The following WDFY3 variants were observed in gnomAD, a reference collection of about 807,000 sequenced individuals.
The protein encoded by WDFY3 is WD repeat and FYVE domain containing 3.
WDFY3 carries 66 observed loss-of-function variants against 409.6 expected under a neutral mutation model. The observed-to-expected ratio is 0.16, with a 90% CI of 0.13 to 0.20. The LOEUF (loss-of-function observed/expected upper bound fraction) is 0.20, where lower values mean the gene tolerates loss of function less well. Ranked by LOEUF, WDFY3 falls within the 10% of genes least tolerant of loss-of-function variation. WDFY3 has a pLI of 1.00. For synonymous variants in WDFY3, 1,521 were observed against 1,537.1 expected, an observed-to-expected ratio of 0.99 and a Z score of 0.25; for missense variants, 3,031 against 4,298.1, an observed-to-expected ratio of 0.71 and a Z score of 8.24.
rs981534981 is a variant in WDFY3, at chr4:84,737,285, A to G, written c.6656T>C (p.Phe2219Ser). ...HSKKQVLEEL[F>S]KVTLPVNERG... is the part of the protein sequence containing the mutation. ...TTCATTCACAGGTAGAGTTACTTTGAAAAGTTCCTCTAAGACTTGTTTCTT... is the reference window on the plus strand; with the variant it reads ...TTCATTCACAGGTAGAGTTACTTTGGAAAGTTCCTCTAAGACTTGTTTCTT... Residue 2219 changes from phenylalanine (F) to serine (S), a missense_variant, in exon 41 of 68, where the codon TTC (phenylalanine) becomes TCC (serine). Around this residue, in one of 16 missense-constraint regions of WDFY3, gnomAD observed 314 missense variants for 397.4 expected, o/e 0.79. Coordinates refer to ENST00000295888, the MANE Select transcript of WDFY3 (RefSeq NM_014991.6). 6.2e-7 allele frequency: 1 copy of G among 1,614,082 alleles called. No individual in the cohort carries two copies. Among genetic ancestry groups the G allele is most frequent in the Non-Finnish European group, 8.5e-7 (1 of 1,179,992 alleles).
chr4:84,772,801 C>T, intron 30 of WDFY3, 34 bp downstream of exon 30: 1 of 1,555,694 alleles, frequency 6.4e-7, no homozygotes. Flanking sequence ...ATTTAGTTGA[C>T]CACTATCTTC....
chr4:84,700,496 G>T (rs1730903145), intron 56 of WDFY3, among the ~76,000 whole-genome samples: 1 of 152,224 alleles, frequency 6.6e-6, no homozygotes, highest in Non-Finnish European at 1.5e-5. Flanking sequence ...GAGCCACCAT[G>T]CCTGGCCCAA....
intron 35 of WDFY3, 35 bp downstream of exon 35, chr4:84,753,662 A>C (rs1251633051): frequency 1.2e-5 from 18 of 1,513,076 alleles, no homozygotes; most frequent in Non-Finnish European, 1.6e-5. Context: ...TGACATTCTA[A>C]TTCCAGTTCT....
chr4:84,724,872 G>C (rs1046600778), intron 45 of WDFY3, among the ~76,000 whole-genome samples: 3 of 152,176 alleles, frequency 2.0e-5, no homozygotes, highest in Admixed American at 1.3e-4. Context: ...AGTGCAGTGT[G>C]TCTTCTTTGG....
chr4:84,964,814 G>C (rs1322174516), intron 1 of WDFY3, among the ~76,000 whole-genome samples: 1 of 151,992 alleles, frequency 6.6e-6, no homozygotes, highest in African/African-American at 2.4e-5. Flanking sequence ...GACCCACTGT[G>C]ACCCACCAAA....
At chr4:84,745,214 G>A (rs1560648330) in intron 36 of WDFY3, among the ~76,000 whole-genome samples, 1 of 152,170 alleles carries the variant, frequency 6.6e-6, no homozygotes, top group Non-Finnish European at 1.5e-5. Context: ...AGAGCCTTTT[G>A]TCATCCTCAA....
chr4:84,948,955 T>C lies in WDFY3; in HGVS notation c.-225-16592A>G, dbSNP rs1357323333. ...ACACCCTCCTATTTCAGATTCCATA[T>C]GCTTCTTCCCCTTGAATTCCCATTA... On this transcript the variant is annotated intron_variant, in intron 1 of 67. Transcript: ENST00000295888. Among the ~76,000 whole-genome samples, 3 of 152,136 alleles carry C rather than the reference T, an allele frequency of 2.0e-5. No homozygotes were observed. In the South Asian group the frequency reaches 6.2e-4, roughly 32 times the overall value.
chr4:84,707,653 C>T (rs1732191109), intron 53 of WDFY3, among the ~76,000 whole-genome samples: 1 of 152,204 alleles, frequency 6.6e-6, no homozygotes, highest in South Asian at 2.1e-4. Context: ...CAGAAAACCA[C>T]ATTTCTTTTG....
rs767658238 is a variant in WDFY3 at position 84,841,248 on chromosome 4, G to C, written c.320C>G (p.Ala107Gly). 3.1e-6 allele frequency: 5 copies of C among 1,612,414 alleles called. No individual in the cohort carries two copies. The Admixed American group carries it at 8.4e-5, about 27-fold the overall frequency. The change falls in exon 6 of 68, where the codon GCC (alanine) becomes GGC (glycine). Residue 107 changes from alanine (A) to glycine (G), a missense_variant. Ala to Gly is a moderately conservative substitution (Grantham distance 60). This residue lies in a region of WDFY3 where 1,322 missense variants were observed against 1,697.9 expected (regional missense o/e 0.78). Coordinates refer to ENST00000295888, the MANE Select transcript of WDFY3 (RefSeq NM_014991.6). ...SNKSTEAASRAIVQFLEINQS... is the reference protein window; with the variant it reads ...SNKSTEAASRGIVQFLEINQS... ...ATTAATCTCTAGGAACTGAACTATGGCCCGACTTGCAGCCTCTATAAAACC... is the reference window on the plus strand; with the variant it reads ...ATTAATCTCTAGGAACTGAACTATGCCCCGACTTGCAGCCTCTATAAAACC...
chr4:84,908,178 T>C (rs545278057), intron 2 of WDFY3, among the ~76,000 whole-genome samples: 35 of 152,252 alleles, frequency 2.3e-4, no homozygotes, highest in African/African-American at 8.2e-4. Context: ...TGCTGCAGTA[T>C]GGAAAACGGC....
chr4:84,824,540 T>C (rs945551458), intron 10 of WDFY3, among the ~76,000 whole-genome samples: 3 of 152,148 alleles, frequency 2.0e-5, no homozygotes, highest in Admixed American at 2.0e-4. Context: ...GTGTATTAAG[T>C]TCTAGAAAGG....
chr4:84,842,495 A>C (rs569230874), intron 5 of WDFY3, among the ~76,000 whole-genome samples: 4 of 151,422 alleles, frequency 2.6e-5, no homozygotes, highest in South Asian at 2.1e-4. Flanking sequence ...AAAAAGAAGT[A>C]AGTCTAATTT....
intron 12 of WDFY3, among the ~76,000 whole-genome samples, chr4:84,817,788 C>A (rs1753519216): frequency 6.6e-6 from 1 of 152,148 alleles, no homozygotes; most frequent in Non-Finnish European, 1.5e-5. Flanking sequence ...ATTTTCTCTA[C>A]ATTTCCTTAA....
intron 5 of WDFY3, chr4:84,844,525 G>T: frequency 4.7e-6 from 6 of 1,289,052 alleles, no homozygotes; most frequent in Non-Finnish European, 6.1e-6. Flanking sequence ...TAAAAAAAAA[G>T]GCTGGGTTGT....
chr4:84,899,805 C>T (rs1403802994), intron 2 of WDFY3, among the ~76,000 whole-genome samples: 1 of 152,004 alleles, frequency 6.6e-6, no homozygotes, highest in Non-Finnish European at 1.5e-5. Context: ...AAAGCTGAGG[C>T]GTGAGGATCA....
intron 1 of WDFY3, among the ~76,000 whole-genome samples, chr4:84,960,882 T>C (rs1774826286): frequency 6.6e-6 from 1 of 152,216 alleles, no homozygotes; most frequent in Non-Finnish European, 1.5e-5. Context: ...AATGTTGATA[T>C]GAGCTATGTG....
At chr4:84,904,202 G>A (rs1766711012) in intron 2 of WDFY3, among the ~76,000 whole-genome samples, 1 of 152,140 alleles carries the variant, frequency 6.6e-6, no homozygotes, top group Non-Finnish European at 1.5e-5. Flanking sequence ...AACTAGAACT[G>A]TGAGAAATAA....
chr4:84,914,078 T>C (rs1448173050), intron 2 of WDFY3, among the ~76,000 whole-genome samples: 3 of 152,204 alleles, frequency 2.0e-5, no homozygotes, highest in South Asian at 2.1e-4. Context: ...ATGTGTAACA[T>C]ACAAAATACG....
chr4:84,773,151 C>T (rs1173879747), intron 29 of WDFY3, among the ~76,000 whole-genome samples: 1 of 151,728 alleles, frequency 6.6e-6, no homozygotes, highest in Admixed American at 6.6e-5. Flanking sequence ...CACAGCATAC[C>T]ACCAGCGAGA....
Sources: gnomAD v4.1 joint callset for allele counts (sites outside exome capture counted in the v4.1 genomes callset) on GRCh38, gnomAD v4.1.1 for gene constraint, gnomAD v4.1.1 regional missense constraint, MANE v1.5 for transcripts, NCBI Gene and HGNC (gene_info 2026-07-23, HGNC 2026-07-21) for gene names.